SLC39A10: variants seen among roughly 807,000 people sequenced by gnomAD.
SLC39A10 encodes the protein zinc transporter ZIP10.
Under a neutral mutation model 65.1 loss-of-function variants are expected in SLC39A10, and 13 were observed. The ratio of observed to expected loss-of-function variants is 0.20; its 90% CI spans 0.13 to 0.32. SLC39A10 has a LOEUF of 0.32. Ranked by LOEUF, SLC39A10 falls within the 10% of genes least tolerant of loss-of-function variation. The pLI, the probability that SLC39A10 is intolerant of heterozygous loss-of-function variation, is 1.00. For missense variants in SLC39A10, 831 were observed against 1,018.4 expected (o/e 0.82, Z 2.50); for synonymous variants, 321 against 342.2 (o/e 0.94, Z 0.68).
intron 3 of SLC39A10, among the ~76,000 whole-genome samples, chr2:195,700,452 A>T (rs1475708498): frequency 6.6e-6 from 1 of 152,192 alleles, no homozygotes; most frequent in East Asian, 1.9e-4. Context: ...AAAACAGTCT[A>T]ATTTGAATTT....
intron 3 of SLC39A10, among the ~76,000 whole-genome samples, chr2:195,694,746 G>A (rs1037768709): frequency 6.6e-6 from 1 of 152,304 alleles, no homozygotes; most frequent in East Asian, 1.9e-4. Context: ...AGGATGTGGC[G>A]CTTTCAAGAG....
At chr2:195,724,948 G>A (rs1034094657) in intron 8 of SLC39A10, among the ~76,000 whole-genome samples, 6 of 151,936 alleles carry the variant, frequency 3.9e-5, no homozygotes, top group African/African-American at 1.5e-4. Flanking sequence ...ATAAAGCAGT[G>A]GAACAAAGCA....
Position 195,716,816 on chromosome 2 carries a change from C to T in SLC39A10, c.1876C>T (p.His626Tyr), listed in dbSNP as rs897109402. ...TGAGCATGATCTCCATGCTGCTGCA[C>T]ATAACCACCACGGCGAGAACAAAAC... is the stretch of plus-strand genomic sequence containing the variant. ...IHEHDLHAAA[H>Y]NHHGENKTVL... Residue 626 changes from histidine (H) to tyrosine (Y), a missense_variant, in exon 7 of 10, where the codon CAT becomes TAT. This residue lies in a region of SLC39A10 where 230 missense variants were observed against 242.9 expected (regional missense o/e 0.95). Transcript: ENST00000359634. 6.2e-6 allele frequency: 10 copies of T among 1,614,202 alleles called. No individual in the cohort carries two copies. The highest frequency in any genetic ancestry group is 8.5e-6 in the Non-Finnish European group (10 of 1,180,028).
intron 1 of SLC39A10, among the ~76,000 whole-genome samples, chr2:195,673,188 A>C (rs1689940553): frequency 1.3e-5 from 2 of 152,056 alleles, no homozygotes; most frequent in African/African-American, 4.8e-5. Flanking sequence ...ATTATTTATT[A>C]ATTTATTTTG....
chr2:195,737,431 A>T lies in SLC39A10; in HGVS notation c.*2390A>T, dbSNP rs1451162373. ...CTGTGATTGATTGATTATGCTTAGA[A>T]ATACTATAGTAACTAGATGCAGTGT... On this transcript the variant is annotated 3_prime_UTR_variant, in exon 10 of 10. Transcript: ENST00000359634. The T allele has an allele frequency of 1.3e-5, 2 of 158,636 alleles. No individual in the cohort carries two copies. Among genetic ancestry groups the T allele is most frequent in the Non-Finnish European group, 2.8e-5 (2 of 71,594 alleles). The allele number at this position is 158,636 out of a possible 1,614,324, so 9.8% of individuals were successfully genotyped here. A position where few individuals can be genotyped will look rare whatever the true frequency, so the allele number is the denominator to read the frequency against.
intron 3 of SLC39A10, among the ~76,000 whole-genome samples, chr2:195,704,299 T>C (rs893322898): frequency 6.6e-6 from 1 of 152,204 alleles, no homozygotes; most frequent in African/African-American, 2.4e-5. Flanking sequence ...TTTGCCAAAA[T>C]AATAAGGAGA....
At chr2:195,732,553 G>T (rs1027786658) in intron 9 of SLC39A10, among the ~76,000 whole-genome samples, 1 of 152,194 alleles carries the variant, frequency 6.6e-6, no homozygotes, top group African/African-American at 2.4e-5. Context: ...TAGTTGGTAT[G>T]TATACATATC....
At chr2:195,715,468 G>A (rs1691761227) in intron 6 of SLC39A10, among the ~76,000 whole-genome samples, 1 of 146,764 alleles carries the variant, frequency 6.8e-6, no homozygotes, top group Non-Finnish European at 1.5e-5. Flanking sequence ...GGGGGTTGCA[G>A]TGAGCCAAGA....
intron 7 of SLC39A10, among the ~76,000 whole-genome samples, chr2:195,717,610 C>G (rs558029085): frequency 6.6e-6 from 1 of 151,538 alleles, no homozygotes; most frequent in Non-Finnish European, 1.5e-5. Context: ...TAAATAGAGA[C>G]AGTCTAGATA....
intron 1 of SLC39A10, among the ~76,000 whole-genome samples, chr2:195,668,129 C>G (rs1689707602): frequency 6.6e-6 from 1 of 152,208 alleles, no homozygotes; most frequent in Non-Finnish European, 1.5e-5. Flanking sequence ...CACTGCTTCT[C>G]TGTTACTCTG....
intron 2 of SLC39A10, among the ~76,000 whole-genome samples, chr2:195,630,515 TC>T: frequency 6.6e-6 from 1 of 152,282 alleles, no homozygotes; most frequent in Middle Eastern, 3.4e-3. Context: ...TGGGAGCCTT[TC>T]AGAGAAGGGT....
Position 195,718,389 on chromosome 2 carries a change from G to A in SLC39A10, c.2146+57G>A. 2.3e-6 allele frequency: 3 copies of A among 1,298,324 alleles called. No individual in the cohort carries two copies. The South Asian group carries it at 3.9e-5, about 17-fold the overall frequency. The allele number at this position is 1,298,324 out of a possible 1,614,324, so 80.4% of individuals were successfully genotyped here. On this transcript the variant is annotated intron_variant, in intron 8 of 9. Coordinates refer to ENST00000359634, the MANE Select transcript of SLC39A10 (RefSeq NM_020342.3). Reference sequence around the variant, plus strand: ...CATCAAATCTAAGACTTCCTTAATTGTAATTGCATTCAAATTTCAGAGATG... The same window carrying A: ...CATCAAATCTAAGACTTCCTTAATTATAATTGCATTCAAATTTCAGAGATG...
At chr2:195,672,963 G>C (rs928591100) in intron 1 of SLC39A10, among the ~76,000 whole-genome samples, 2 of 152,106 alleles carry the variant, frequency 1.3e-5, no homozygotes, top group African/African-American at 4.8e-5. Context: ...AATCACCCAC[G>C]CCTTTTTATC....
chr2:195,677,685 G>C (rs187257290), intron 1 of SLC39A10, among the ~76,000 whole-genome samples: 196 of 150,170 alleles, frequency 1.3e-3, no homozygotes, highest in Middle Eastern at 0.01. Flanking sequence ...TTTTATTCCT[G>C]TGTGATAGAT....
At chr2:195,621,039 AT>A (rs1688339136) in intron 2 of SLC39A10, among the ~76,000 whole-genome samples, 1 of 152,180 alleles carries the variant, frequency 6.6e-6, no homozygotes, top group African/African-American at 2.4e-5. Flanking sequence ...TGGATCTAAT[AT>A]TTTTCAAATA....
At chr2:195,697,733 A>C (rs997675423) in intron 3 of SLC39A10, among the ~76,000 whole-genome samples, 3 of 152,100 alleles carry the variant, frequency 2.0e-5, no homozygotes, top group Non-Finnish European at 4.4e-5. Context: ...TTACAAGAAA[A>C]AACGACCCCA....
chr2:195,650,304 G>GA (rs61332474), intron 2 of SLC39A10, among the ~76,000 whole-genome samples: 91,210 of 147,426 alleles, frequency 0.62, 28,888 homozygotes, highest in Non-Finnish European at 0.69. Context: ...AAAAAGAAAA[G>GA]AAAAAAATTG....
chr2:195,645,544 T>G (rs1559013643), intron 2 of SLC39A10, among the ~76,000 whole-genome samples: 1 of 152,206 alleles, frequency 6.6e-6, no homozygotes, highest in East Asian at 1.9e-4. Context: ...CTTTCATTTT[T>G]CCAAACAGAA....
chr2:195,692,187 C>G (rs1321393752), intron 3 of SLC39A10, among the ~76,000 whole-genome samples: 1 of 152,168 alleles, frequency 6.6e-6, no homozygotes, highest in African/African-American at 2.4e-5. Flanking sequence ...TTTCTCTATT[C>G]TGTTCCATTG....
Sources: allele counts gnomAD v4.1 joint callset (sites outside exome capture counted in the v4.1 genomes callset), GRCh38; gene constraint gnomAD v4.1.1; regional missense constraint gnomAD v4.1.1; transcripts MANE v1.5; gene names NCBI Gene and HGNC (gene_info 2026-07-23, HGNC 2026-07-21).